RBFOX1: variants seen among roughly 807,000 people sequenced by gnomAD.
The protein encoded by RBFOX1 is RNA binding protein fox-1 homolog 1.
RBFOX1 carries 8 observed loss-of-function variants against 57.7 expected under a neutral mutation model. The observed-to-expected ratio is 0.14, with a 90% CI of 0.08 to 0.25. The LOEUF (loss-of-function observed/expected upper bound fraction) is 0.25. Among genes scored for constraint, RBFOX1 ranks in the 10% least tolerant of loss-of-function variants. The pLI is 1.00. For synonymous variants in RBFOX1, 326 were observed against 222.4 expected (o/e 1.47, Z -4.15); for missense variants, 611 against 548.5 (o/e 1.11, Z -1.14).
At position 6,736,190 on chromosome 16, in the gene RBFOX1, T is replaced by A. The variant is rs377374540; in HGVS notation, c.-16+81540T>A. ...ATTTTATTAATTTTTTAAATTTTAT[T>A]TTTCCATAAGTTATTGGGGTACAGT... On this transcript the variant is annotated intron_variant, in intron 3 of 15. Transcript: ENST00000550418. 8.3e-4 allele frequency among the ~76,000 whole-genome samples: 127 copies of A among 152,230 alleles called. 4 individuals carry two copies. In the South Asian group the frequency reaches 0.026, roughly 31 times the overall value.
intron 4 of RBFOX1, among the ~76,000 whole-genome samples, chr16:7,251,159 A>G (rs1441934022): frequency 6.6e-6 from 1 of 151,990 alleles, no homozygotes; most frequent in African/African-American, 2.4e-5. Context: ...CATCTCCCCA[A>G]CCCTCACCAA....
intron 3 of RBFOX1, among the ~76,000 whole-genome samples, chr16:5,639,138 C>A (rs185178920): frequency 6.6e-6 from 1 of 152,160 alleles, no homozygotes; most frequent in African/African-American, 2.4e-5. Flanking sequence ...TCTGATCCTG[C>A]GGTACAATAC....
At chr16:6,608,335 G>T (rs774539128) in intron 2 of RBFOX1, among the ~76,000 whole-genome samples, 1 of 152,156 alleles carries the variant, frequency 6.6e-6, no homozygotes. Context: ...GAGCCAGAAA[G>T]ACTGGCTTAA....
chr16:5,483,135 G>T (rs187717443), intron 2 of RBFOX1, among the ~76,000 whole-genome samples: 86 of 152,292 alleles, frequency 5.6e-4, no homozygotes, highest in African/African-American at 1.4e-3. Flanking sequence ...ATGTCTGTGG[G>T]GTTGGGGTGG....
At chr16:5,623,073 C>T (rs915086270) in intron 3 of RBFOX1, among the ~76,000 whole-genome samples, 1 of 152,112 alleles carries the variant, frequency 6.6e-6, no homozygotes, top group African/African-American at 2.4e-5. Flanking sequence ...GTCTTGGAAC[C>T]AACCCCTCAT....
intron 1 of RBFOX1, among the ~76,000 whole-genome samples, chr16:5,350,244 G>C (rs548411960): frequency 2.6e-5 from 4 of 152,288 alleles, no homozygotes; most frequent in African/African-American, 9.6e-5. Flanking sequence ...AACTCAGATG[G>C]ACTCTGAAGT....
At chr16:6,943,755 T>C (rs1038065675) in intron 3 of RBFOX1, among the ~76,000 whole-genome samples, 1 of 151,776 alleles carries the variant, frequency 6.6e-6, no homozygotes, top group Non-Finnish European at 1.5e-5. Flanking sequence ...TAGCTGAGTC[T>C]TGGCCAATCC....
intron 4 of RBFOX1, among the ~76,000 whole-genome samples, chr16:7,338,569 C>G (rs559025118): frequency 8.5e-5 from 13 of 152,048 alleles, no homozygotes; most frequent in African/African-American, 2.4e-4. Flanking sequence ...AAAAAAAATT[C>G]TTTTGTAGAG....
intron 1 of RBFOX1, among the ~76,000 whole-genome samples, chr16:6,267,810 A>G (rs2074710445): frequency 1.3e-5 from 2 of 152,204 alleles, no homozygotes; most frequent in Admixed American, 1.3e-4. Flanking sequence ...TCCATAGCTG[A>G]AACCCACAGG....
chr16:6,568,981 C>T lies in RBFOX1; in HGVS notation c.-63-85622C>T, dbSNP rs1039842467. Among the ~76,000 whole-genome samples, 15 of 152,030 alleles carry T rather than the reference C, an allele frequency of 9.9e-5. 1 individual carries two copies. The highest frequency in any genetic ancestry group is 6.6e-4 in the Admixed American group (10 of 15,258). ...ACAGATGGGATTTCACCACATTGGC[C>T]AGGCTGGTCTCAAACTCCCAACCTT... is the stretch of plus-strand genomic sequence containing the variant. On this transcript the variant is annotated intron_variant, in intron 2 of 15. Coordinates refer to ENST00000550418, the MANE Select transcript of RBFOX1 (RefSeq NM_018723.4).
intron 2 of RBFOX1, among the ~76,000 whole-genome samples, chr16:6,406,664 T>C (rs1004507): frequency 0.65 from 98,898 of 151,496 alleles, 32,992 homozygotes; most frequent in African/African-American, 0.81. Flanking sequence ...CCTGTTCCTA[T>C]GCTCGGTCAA....
chr16:5,432,028 C>A (rs1394210827), intron 1 of RBFOX1, among the ~76,000 whole-genome samples: 1 of 152,080 alleles, frequency 6.6e-6, no homozygotes, highest in Admixed American at 6.5e-5. Context: ...ATTGTGGCCA[C>A]AGTTGGTTCT....
At chr16:7,395,262 T>C (rs1466076731) in intron 4 of RBFOX1, among the ~76,000 whole-genome samples, 2 of 152,186 alleles carry the variant, frequency 1.3e-5, no homozygotes, top group Non-Finnish European at 2.9e-5. Context: ...TTGCTCTTTT[T>C]ACTGGGAGCC....
At chr16:5,561,681 C>A (rs575597526) in intron 2 of RBFOX1, among the ~76,000 whole-genome samples, 2 of 152,030 alleles carry the variant, frequency 1.3e-5, no homozygotes, top group Non-Finnish European at 2.9e-5. Flanking sequence ...GCTCTTTACC[C>A]TAGGGATTCT....
At chr16:6,487,567 T>G (rs1025213183) in intron 2 of RBFOX1, among the ~76,000 whole-genome samples, 2 of 150,412 alleles carry the variant, frequency 1.3e-5, no homozygotes, top group African/African-American at 4.9e-5. Context: ...GTGAAGAATC[T>G]GTCGGCAAGC....
chr16:5,788,911 G>T lies in RBFOX1; in HGVS notation c.319-78392G>T, dbSNP rs1418516834. On this transcript the variant is annotated intron_variant, in intron 3 of 19. Transcript: ENST00000641259. ...CATCCTGTTGCACCCCATATGTAAG[G>T]CTTTCCTGTGTCTCAGGAAGATAGA... Among the ~76,000 whole-genome samples, 3 of 152,242 alleles carry T rather than the reference G, an allele frequency of 2.0e-5. No individual in the cohort carries two copies. The South Asian group carries it at 6.2e-4, about 32-fold the overall frequency.
chr16:5,504,690 C>A (rs974716426), intron 2 of RBFOX1, among the ~76,000 whole-genome samples: 28 of 152,260 alleles, frequency 1.8e-4, no homozygotes, highest in African/African-American at 6.3e-4. Context: ...ACACCAGACA[C>A]TGCCATAGGC....
Position 7,556,879 on chromosome 16 carries a change from C to T in RBFOX1, c.271-22898C>T, listed in dbSNP as rs13334377. On this transcript the variant is annotated intron_variant, in intron 5 of 15. Coordinates refer to ENST00000550418, the MANE Select transcript of RBFOX1 (RefSeq NM_018723.4). ...GGTTGTTATTGTTGTTTTCTGAAAC[C>T]GACTTAGTTTAAAATTACTAAGTCA... Among the ~76,000 whole-genome samples, 718 of 152,186 alleles carry T rather than the reference C, an allele frequency of 4.7e-3. 6 individuals are homozygous for T. Among genetic ancestry groups the T allele is most frequent in the African/African-American group, 0.016 (668 of 41,520 alleles).
chr16:5,783,809 C>T (rs1300150311), intron 3 of RBFOX1, among the ~76,000 whole-genome samples: 3 of 152,116 alleles, frequency 2.0e-5, no homozygotes, highest in African/African-American at 7.2e-5. Context: ...GGGGCAGGCT[C>T]CCTAGTGCAT....
Sources: gnomAD v4.1 joint callset for allele counts (sites outside exome capture counted in the v4.1 genomes callset) on GRCh38, gnomAD v4.1.1 for gene constraint, MANE v1.5 for transcripts, NCBI Gene and HGNC (gene_info 2026-07-23, HGNC 2026-07-21) for gene names.